The following FAM114A1 variants were observed in gnomAD, a reference collection of about 807,000 sequenced individuals.
The protein encoded by FAM114A1 is family with sequence similarity 114 member A1.
In FAM114A1, 62 loss-of-function variants were observed where a neutral mutation model predicts 64.3. That is an observed-to-expected ratio of 0.96 (90% CI 0.79 to 1.19). The LOEUF is 1.19. Among genes scored for constraint, FAM114A1 ranks in the 50% most tolerant of loss-of-function variants. The probability of loss-of-function intolerance (pLI) is 0.00; values close to 1 mark genes in which losing one functional copy is unlikely to be tolerated. For synonymous variants in FAM114A1, 254 were observed against 251.1 expected (o/e 1.01, Z -0.11); for missense variants, 645 against 676.3 (o/e 0.95, Z 0.51).
chr4:38,870,373 T>C (rs1446470798), intron 2 of FAM114A1, among the ~76,000 whole-genome samples: 1 of 152,230 alleles, frequency 6.6e-6, no homozygotes, highest in Non-Finnish European at 1.5e-5. Flanking sequence ...TTTGCTGTGC[T>C]GTTTTGCATC....
chr4:38,884,177 C>T (rs920886400), intron 3 of FAM114A1, among the ~76,000 whole-genome samples: 1 of 152,176 alleles, frequency 6.6e-6, no homozygotes, highest in Non-Finnish European at 1.5e-5. Flanking sequence ...TTGGTAGAGA[C>T]GGGGTCTCCC....
chr4:38,891,624 A>G (rs1476238210), intron 3 of FAM114A1, 119 bp from the exon 4 acceptor site: 3 of 820,082 alleles, frequency 3.7e-6, no homozygotes, highest in South Asian at 3.9e-5. Context: ...CTATAAGCCA[A>G]TTAGATACGG....
chr4:38,869,798 AT>A (rs1406267908), intron 2 of FAM114A1, among the ~76,000 whole-genome samples: 2 of 151,560 alleles, frequency 1.3e-5, no homozygotes, highest in Non-Finnish European at 2.9e-5. Flanking sequence ...AAGTCAGGCC[AT>A]TTTTTTTAAA....
intron 3 of FAM114A1, among the ~76,000 whole-genome samples, chr4:38,886,463 GC>G (rs1203027950): frequency 1.3e-5 from 2 of 151,648 alleles, no homozygotes; most frequent in Admixed American, 1.3e-4. Context: ...GAGCTATGGT[GC>G]CCGGCCACTA....
intron 12 of FAM114A1, among the ~76,000 whole-genome samples, chr4:38,934,554 A>G (rs1720923890): frequency 6.6e-6 from 1 of 152,248 alleles, no homozygotes; most frequent in African/African-American, 2.4e-5. Context: ...TCATTCCCAT[A>G]GCATTTTAAT....
chr4:38,870,015 C>A lies in FAM114A1; in HGVS notation c.-9+1469C>A, dbSNP rs189470643. 2.0e-4 allele frequency among the ~76,000 whole-genome samples: 30 copies of A among 152,266 alleles called. No individual in the cohort carries two copies. The East Asian group carries it at 5.4e-3, about 27-fold the overall frequency. On this transcript the variant is annotated intron_variant, in intron 2 of 14. Transcript: ENST00000358869. ...GGTGGAGTTTGGAAAAAAAAGCATC[C>A]AGATCAGTTTGTCCATCCTAGCTTT...
At chr4:38,915,744 G>GTGT (rs1421213058) in intron 8 of FAM114A1, among the ~76,000 whole-genome samples, 2 of 139,116 alleles carry the variant, frequency 1.4e-5, no homozygotes, top group Non-Finnish European at 3.1e-5. Flanking sequence ...CATCTATAGT[G>GTGT]GTGTGTGTGT....
In FAM114A1 at chr4:38,907,013, G is replaced by A. The variant is rs553563135; in HGVS notation, c.657+1152G>A. On this transcript the variant is annotated intron_variant, in intron 6 of 14. Transcript: ENST00000358869. ...AACAAGAGGGCACAATATCCCAGAG[G>A]ACTGAGGCGACTGAACAAATAAACA... 1.5e-3 allele frequency among the ~76,000 whole-genome samples: 221 copies of A among 152,234 alleles called. 1 individual carries two copies. Among genetic ancestry groups the A allele is most frequent in the Middle Eastern group, 0.01 (3 of 294 alleles).
chr4:38,873,799 A>G (rs2109524641), intron 2 of FAM114A1, among the ~76,000 whole-genome samples: 1 of 152,262 alleles, frequency 6.6e-6, no homozygotes, highest in African/African-American at 2.4e-5. Flanking sequence ...GCCTGGTGGG[A>G]TCAGAGCACA....
chr4:38,877,192 G>A (rs753708793), intron 2 of FAM114A1, among the ~76,000 whole-genome samples: 2 of 152,058 alleles, frequency 1.3e-5, no homozygotes, highest in Non-Finnish European at 2.9e-5. Context: ...AGCAGAAAGG[G>A]GTGCGGGGGA....
chr4:38,914,979 A>G lies in FAM114A1; in HGVS notation c.851A>G (p.Glu284Gly), dbSNP rs1416295403. ...AGACTGGCACAGCAGCTCACGATGGAGAGAACCGCGCACTACGGGATGCTG... is the reference window on the plus strand; with the variant it reads ...AGACTGGCACAGCAGCTCACGATGGGGAGAACCGCGCACTACGGGATGCTG... Reference protein sequence around the residue: ...KQRLAQQLTMERTAHYGMLFD... With the variant: ...KQRLAQQLTMGRTAHYGMLFD... Residue 284 changes from glutamate to glycine, a missense_variant, in exon 8 of 15, where the codon GAG becomes GGG. Physicochemically the swap from Glu to Gly is moderately conservative, Grantham distance 98. Coordinates refer to ENST00000358869, the MANE Select transcript of FAM114A1 (RefSeq NM_138389.4). The G allele has an allele frequency of 6.2e-7, 1 of 1,614,162 alleles. No individual in the cohort carries two copies. The highest frequency in any genetic ancestry group is 1.7e-5 in the Admixed American group (1 of 60,012).
At chr4:38,886,257 C>T (rs913409158) in intron 3 of FAM114A1, among the ~76,000 whole-genome samples, 11 of 151,592 alleles carry the variant, frequency 7.3e-5, no homozygotes, top group African/African-American at 1.5e-4. Context: ...CTGCAACCTC[C>T]GCCTCCTGGG....
intron 4 of FAM114A1, among the ~76,000 whole-genome samples, chr4:38,904,584 C>T (rs1489573365): frequency 6.6e-6 from 1 of 152,158 alleles, no homozygotes; most frequent in African/African-American, 2.4e-5. Flanking sequence ...AGACAACTGT[C>T]GGGGCTGTTG....
At position 38,910,431 on chromosome 4, in the gene FAM114A1, GC is replaced by G. The variant is rs1718428108; in HGVS notation, c.792+1706del. Among the ~76,000 whole-genome samples, 4 of 152,186 alleles carry G rather than the reference GC, an allele frequency of 2.6e-5. No individual in the cohort carries two copies. The South Asian group carries it at 8.3e-4, about 32-fold the overall frequency. On this transcript the variant is annotated intron_variant, in intron 7 of 14. Transcript: ENST00000358869. Reference sequence around the variant, plus strand: ...TCGTCCCAGGGGGCTCTCATGGCTAGCACACTTCTGAGCCCACATCTTCTGG... The same window carrying G: ...TCGTCCCAGGGGGCTCTCATGGCTAGACACTTCTGAGCCCACATCTTCTGG...
intron 13 of FAM114A1, among the ~76,000 whole-genome samples, chr4:38,936,765 C>G (rs561678160): frequency 6.6e-6 from 1 of 151,824 alleles, no homozygotes; most frequent in Non-Finnish European, 1.5e-5. Context: ...GTTGGCCAGG[C>G]TGGTCTTAAA....
In FAM114A1 at chr4:38,905,820, C is replaced by A. The variant is rs139789863; in HGVS notation, c.616C>A (p.Arg206=). ...SPPTSPSSAS[R]GMLSAITNVV... is the part of the protein sequence containing the mutation. Reference sequence around the variant, plus strand: ...ACCCACTTCCCCTTCATCAGCCTCTCGGGGTATGCTGTCTGCCATCACCAA... The same window carrying A: ...ACCCACTTCCCCTTCATCAGCCTCTAGGGGTATGCTGTCTGCCATCACCAA... The change falls in exon 6 of 15, where the codon CGG becomes AGG. Residue 206 remains arginine, a synonymous_variant. Transcript: ENST00000358869. 1.2e-6 allele frequency: 2 copies of A among 1,614,040 alleles called. No individual in the cohort carries two copies. The highest frequency in any genetic ancestry group is 1.7e-6 in the Non-Finnish European group (2 of 1,180,004).
intron 4 of FAM114A1, among the ~76,000 whole-genome samples, chr4:38,893,810 C>G (rs1716631108): frequency 6.6e-6 from 1 of 152,170 alleles, no homozygotes; most frequent in Admixed American, 6.5e-5. Context: ...TCCAAGGCCT[C>G]CGGGTTTTGT....
chr4:38,938,937 T>C (rs1721339472), intron 13 of FAM114A1, among the ~76,000 whole-genome samples: 2 of 152,368 alleles, frequency 1.3e-5, no homozygotes, highest in South Asian at 4.1e-4. Context: ...GTATTCATGG[T>C]ATTGCTTTCC....
chr4:38,890,406 A>C (rs1462832423), intron 3 of FAM114A1, among the ~76,000 whole-genome samples: 1 of 151,522 alleles, frequency 6.6e-6, no homozygotes, highest in East Asian at 1.9e-4. Context: ...CGTCTCAAAA[A>C]AAAAAACAAA....
Sources: allele counts gnomAD v4.1 joint callset (sites outside exome capture counted in the v4.1 genomes callset), GRCh38; gene constraint gnomAD v4.1.1; transcripts MANE v1.5; gene names NCBI Gene and HGNC (gene_info 2026-07-23, HGNC 2026-07-21).